CADM2: variants seen among roughly 807,000 people sequenced by gnomAD.
CADM2 encodes the protein immunoglobulin superfamily member 4D.
In CADM2, 12 loss-of-function variants were observed where a neutral mutation model predicts 49.8. The ratio of observed to expected loss-of-function variants is 0.24; its 90% CI spans 0.15 to 0.39. CADM2 has a LOEUF of 0.39. Among genes scored for constraint, CADM2 ranks in the 10% least tolerant of loss-of-function variants. CADM2 has a pLI of 1.00. For synonymous variants in CADM2, 214 were observed against 175.4 expected (o/e 1.22, Z -1.74); for missense variants, 378 against 492.3 (o/e 0.77, Z 2.20).
intron 1 of CADM2, among the ~76,000 whole-genome samples, chr3:85,111,330 G>A (rs981837392): frequency 2.0e-5 from 3 of 151,506 alleles, no homozygotes; most frequent in Admixed American, 2.0e-4. Context: ...AAAAAATACT[G>A]GCTTTACTTT....
At chr3:85,839,832 A>G (rs1393189049) in intron 3 of CADM2, among the ~76,000 whole-genome samples, 1 of 151,920 alleles carries the variant, frequency 6.6e-6, no homozygotes, top group Non-Finnish European at 1.5e-5. Flanking sequence ...ATCTTATAAA[A>G]TAGTTCATTC....
chr3:85,974,817 G>C (rs1180116492), intron 8 of CADM2, among the ~76,000 whole-genome samples: 1 of 151,488 alleles, frequency 6.6e-6, no homozygotes, highest in Non-Finnish European at 1.5e-5. Context: ...ACTTGATTTA[G>C]GGGTTCTGTC....
Position 85,606,348 on chromosome 3 carries a change from G to C in CADM2, c.62-120174G>C, listed in dbSNP as rs1258900327. 2.0e-5 allele frequency among the ~76,000 whole-genome samples: 3 copies of C among 151,956 alleles called. No homozygotes were observed. In the East Asian group the frequency reaches 5.8e-4, roughly 29 times the overall value. On this transcript the variant is annotated intron_variant, in intron 1 of 9. Coordinates refer to ENST00000383699, the MANE Select transcript of CADM2 (RefSeq NM_001167675.2). ...TGCTAGAATTCTCTAGTTCACACTTGCTCCCTTCATATTCCCAAACAACTG... is the reference window on the plus strand; with the variant it reads ...TGCTAGAATTCTCTAGTTCACACTTCCTCCCTTCATATTCCCAAACAACTG...
chr3:85,621,903 A>G (rs2063988187), intron 1 of CADM2, among the ~76,000 whole-genome samples: 1 of 152,216 alleles, frequency 6.6e-6, no homozygotes, highest in South Asian at 2.1e-4. Flanking sequence ...TAAACACTAC[A>G]CAACAAGAGC....
intron 1 of CADM2, among the ~76,000 whole-genome samples, chr3:85,652,565 A>G (rs2065072247): frequency 6.6e-6 from 1 of 152,004 alleles, no homozygotes; most frequent in Non-Finnish European, 1.5e-5. Flanking sequence ...TTTTGGACTG[A>G]GATGCTCACT....
At chr3:85,312,406 G>A (rs983671309) in intron 1 of CADM2, among the ~76,000 whole-genome samples, 2 of 152,096 alleles carry the variant, frequency 1.3e-5, no homozygotes, top group Non-Finnish European at 2.9e-5. Flanking sequence ...TAAGAGACGT[G>A]TAAATTGACT....
intron 1 of CADM2, among the ~76,000 whole-genome samples, chr3:85,081,543 A>G (rs901349159): frequency 2.0e-5 from 3 of 152,230 alleles, no homozygotes; most frequent in Admixed American, 6.5e-5. Flanking sequence ...GTGGATAACA[A>G]TTTCCTTTAT....
intron 1 of CADM2, among the ~76,000 whole-genome samples, chr3:85,104,312 C>T (rs1381767569): frequency 1.3e-5 from 2 of 151,486 alleles, no homozygotes; most frequent in African/African-American, 4.9e-5. Context: ...GGAATCCTTT[C>T]CCCATTGCTT....
chr3:85,355,261 C>A (rs906081403), intron 1 of CADM2, among the ~76,000 whole-genome samples: 2 of 151,908 alleles, frequency 1.3e-5, no homozygotes, highest in African/African-American at 4.8e-5. Context: ...ATGCATCATC[C>A]GTCTCTTGTT....
intron 1 of CADM2, among the ~76,000 whole-genome samples, chr3:85,515,434 T>TTTA (rs1553734244): frequency 1.3e-5 from 2 of 148,502 alleles, no homozygotes; most frequent in Non-Finnish European, 3.0e-5. Context: ...TCTTTTTTTT[T>TTTA]TTATTATTAT....
intron 2 of CADM2, among the ~76,000 whole-genome samples, chr3:85,744,476 A>G (rs1297464813): frequency 6.6e-6 from 1 of 152,100 alleles, no homozygotes; most frequent in Non-Finnish European, 1.5e-5. Context: ...CATATAACCC[A>G]TAAACATATA....
At chr3:85,163,409 G>A (rs1472388591) in intron 1 of CADM2, among the ~76,000 whole-genome samples, 1 of 152,012 alleles carries the variant, frequency 6.6e-6, no homozygotes, top group Non-Finnish European at 1.5e-5. Flanking sequence ...TACTGAAGCA[G>A]GAAAGAATTC....
At chr3:85,323,787 T>C (rs2044678119) in intron 1 of CADM2, among the ~76,000 whole-genome samples, 1 of 152,230 alleles carries the variant, frequency 6.6e-6, no homozygotes, top group Non-Finnish European at 1.5e-5. Flanking sequence ...TACCTTGTTT[T>C]CTTTGCTCCA....
At chr3:85,888,212 A>T (rs1713935175) in intron 5 of CADM2, among the ~76,000 whole-genome samples, 1 of 152,150 alleles carries the variant, frequency 6.6e-6, no homozygotes, top group Non-Finnish European at 1.5e-5. Flanking sequence ...ACACTTTCAC[A>T]TATTAAGTAC....
intron 1 of CADM2, among the ~76,000 whole-genome samples, chr3:85,453,334 T>C (rs548919064): frequency 3.7e-4 from 56 of 152,234 alleles, no homozygotes; most frequent in African/African-American, 1.3e-3. Context: ...GGTTTCCATA[T>C]ATTAATATTA....
intron 1 of CADM2, among the ~76,000 whole-genome samples, chr3:85,702,168 C>T (rs1179585392): frequency 3.3e-5 from 5 of 152,140 alleles, no homozygotes; most frequent in African/African-American, 1.2e-4. Context: ...AATTCTTCTG[C>T]AGCCTCACAG....
intron 1 of CADM2, among the ~76,000 whole-genome samples, chr3:85,006,775 G>A (rs985118352): frequency 1.3e-5 from 2 of 152,142 alleles, no homozygotes; most frequent in African/African-American, 4.8e-5. Context: ...AGAGCCCGTT[G>A]TAATAATATC....
chr3:85,604,449 C>A (rs933255937), intron 1 of CADM2, among the ~76,000 whole-genome samples: 2 of 151,910 alleles, frequency 1.3e-5, no homozygotes, highest in Non-Finnish European at 2.9e-5. Context: ...CCATACATCA[C>A]GACATGCTGT....
intron 8 of CADM2, among the ~76,000 whole-genome samples, chr3:85,988,603 T>C (rs1208646003): frequency 6.6e-6 from 1 of 152,168 alleles, no homozygotes; most frequent in Admixed American, 6.6e-5. Flanking sequence ...AGTTAAAATT[T>C]TGATTTTAAC....
Sources: allele counts gnomAD v4.1 joint callset (sites outside exome capture counted in the v4.1 genomes callset), GRCh38; gene constraint gnomAD v4.1.1; transcripts MANE v1.5; gene names NCBI Gene and HGNC (gene_info 2026-07-23, HGNC 2026-07-21).